The following EBF1 variants were observed in gnomAD, a reference collection of about 807,000 sequenced individuals.
The protein encoded by EBF1 is EBF transcription factor 1, also known as transcription factor COE1.
A neutral mutation model predicts 68.4 loss-of-function variants in EBF1; 10 were observed. That is an observed-to-expected ratio of 0.15 (90% CI 0.09 to 0.25). EBF1 has a LOEUF of 0.25. EBF1 is among the 10% of genes least tolerant of loss of function. The probability of loss-of-function intolerance (pLI) is 1.00; values close to 1 mark genes in which losing one functional copy is unlikely to be tolerated. For missense variants in EBF1, 509 were observed against 794.4 expected (o/e 0.64, Z 4.32); for synonymous variants, 298 against 299.8 (o/e 0.99, Z 0.06).
rs111370015 is a variant in EBF1, at chr5:158,936,401, C to T, written c.555-96291G>A. ...GGTTTGTTACTTTGTATCCTAGAGACGTGGTTTCCTCCTTCCTATGTAAAG... is the reference window on the plus strand; with the variant it reads ...GGTTTGTTACTTTGTATCCTAGAGATGTGGTTTCCTCCTTCCTATGTAAAG... On this transcript the variant is annotated intron_variant, in intron 6 of 15. Coordinates refer to ENST00000313708, the MANE Select transcript of EBF1 (RefSeq NM_024007.5). 5.4e-3 allele frequency among the ~76,000 whole-genome samples: 824 copies of T among 152,292 alleles called. 9 individuals carry two copies. Among genetic ancestry groups the T allele is most frequent in the African/African-American group, 0.019 (776 of 41,552 alleles).
intron 6 of EBF1, among the ~76,000 whole-genome samples, chr5:158,939,620 G>T (rs1473430343): frequency 6.6e-6 from 1 of 152,164 alleles, no homozygotes; most frequent in Non-Finnish European, 1.5e-5. Flanking sequence ...ATCAGACTTT[G>T]CTCTGTGGTA....
At chr5:158,803,197 G>A (rs1215767677) in intron 8 of EBF1, among the ~76,000 whole-genome samples, 2 of 152,002 alleles carry the variant, frequency 1.3e-5, no homozygotes, top group East Asian at 1.9e-4. Flanking sequence ...TTGTGACCTC[G>A]TAAAACTCAT....
At chr5:158,727,281 C>T (rs1043959423) in intron 11 of EBF1, among the ~76,000 whole-genome samples, 4 of 152,322 alleles carry the variant, frequency 2.6e-5, no homozygotes, top group Admixed American at 2.6e-4. Context: ...TCACTCACTG[C>T]CTTAGGGCTA....
intron 6 of EBF1, among the ~76,000 whole-genome samples, chr5:159,016,492 C>T (rs1765643997): frequency 6.6e-6 from 1 of 152,118 alleles, no homozygotes; most frequent in Admixed American, 6.5e-5. Context: ...AATGTGACTC[C>T]AATGATAACG....
intron 11 of EBF1, among the ~76,000 whole-genome samples, chr5:158,729,528 G>T (rs1763645984): frequency 6.6e-6 from 1 of 152,190 alleles, no homozygotes; most frequent in African/African-American, 2.4e-5. Flanking sequence ...AAATGCACGG[G>T]ACCATGTTCT....
intron 6 of EBF1, among the ~76,000 whole-genome samples, chr5:158,840,661 T>TG (rs1790092936): frequency 2.3e-5 from 2 of 87,600 alleles, no homozygotes; most frequent in African/African-American, 4.6e-5. Flanking sequence ...TTTTTTTTTT[T>TG]TTTTTTTTTT....
At position 159,081,698 on chromosome 5, in the gene EBF1, A is replaced by C. The variant is rs576078161; in HGVS notation, c.485+2968T>G. ...GAAACCATACACTGATGAGGGAAAG[A>C]GGTCTTTCTTAAACAGAGCTCTGGG... On this transcript the variant is annotated intron_variant, in intron 5 of 15. Coordinates refer to ENST00000313708, the MANE Select transcript of EBF1 (RefSeq NM_024007.5). Among the ~76,000 whole-genome samples, 19 of 152,346 alleles carry C rather than the reference A, an allele frequency of 1.2e-4. No homozygotes were observed. In the South Asian group the frequency reaches 2.7e-3, roughly 22 times the overall value.
At chr5:158,756,268 T>G (rs1399063190) in intron 10 of EBF1, among the ~76,000 whole-genome samples, 1 of 152,052 alleles carries the variant, frequency 6.6e-6, no homozygotes, top group Non-Finnish European at 1.5e-5. Flanking sequence ...GTGAGAATTT[T>G]TTTTTTTTCT....
intron 9 of EBF1, among the ~76,000 whole-genome samples, chr5:158,790,851 C>A (rs1192267381): frequency 3.3e-5 from 5 of 152,092 alleles, no homozygotes; most frequent in Admixed American, 6.5e-5. Context: ...AGTTTTGTGG[C>A]CAATTAAATT....
chr5:158,960,852 C>T (rs148067568), intron 6 of EBF1, among the ~76,000 whole-genome samples: 46 of 152,318 alleles, frequency 3.0e-4, no homozygotes, highest in African/African-American at 1.0e-3. Flanking sequence ...TATCAAGAAA[C>T]TGAGGCCTCA....
In EBF1 at chr5:158,923,040, C is replaced by A. The variant is rs903042040; in HGVS notation, c.555-82930G>T. On this transcript the variant is annotated intron_variant, in intron 6 of 15. Transcript: ENST00000313708. ...TTAGGTGGTCTATTAGCAGGAGGGG[C>A]GATTTGAACGCAGAAAGCCCCTCCG... 9.9e-5 allele frequency among the ~76,000 whole-genome samples: 15 copies of A among 152,256 alleles called. No individual in the cohort carries two copies. In the East Asian group the frequency reaches 2.7e-3, roughly 27 times the overall value.
chr5:158,820,081 G>A (rs957312832), intron 8 of EBF1, among the ~76,000 whole-genome samples: 2 of 152,058 alleles, frequency 1.3e-5, no homozygotes, highest in African/African-American at 2.4e-5. Flanking sequence ...GCCACAAAAG[G>A]AAACTTCCTC....
At chr5:159,081,313 T>A (rs1779702684) in intron 5 of EBF1, among the ~76,000 whole-genome samples, 1 of 152,224 alleles carries the variant, frequency 6.6e-6, no homozygotes, top group Admixed American at 6.5e-5. Flanking sequence ...ACAGTTTGTT[T>A]TCATGGTTGT....
chr5:158,923,805 A>T (rs1290351885), intron 6 of EBF1, among the ~76,000 whole-genome samples: 1 of 152,176 alleles, frequency 6.6e-6, no homozygotes. Flanking sequence ...TGAATCAACA[A>T]ATCTCAAATT....
intron 6 of EBF1, among the ~76,000 whole-genome samples, chr5:158,972,743 C>T (rs1371855625): frequency 2.0e-5 from 3 of 152,216 alleles, no homozygotes; most frequent in East Asian, 1.9e-4. Flanking sequence ...ATAGCGCCCA[C>T]GGGGCCCAAG....
chr5:158,807,604 G>A (rs1227283940), intron 8 of EBF1, among the ~76,000 whole-genome samples: 1 of 152,124 alleles, frequency 6.6e-6, no homozygotes, highest in African/African-American at 2.4e-5. Context: ...TAAATCCTCA[G>A]AGGGCTCAGA....
intron 1 of EBF1, 75 bp downstream of exon 1, chr5:159,099,266 GCCGC>G: frequency 6.7e-4 from 4 of 5,928 alleles, no homozygotes; most frequent in South Asian, 1.5e-3. Flanking sequence ...GGCAGCAGCT[GCCGC>G]TGCCGCTGCC....
chr5:158,784,061 A>G (rs536096731), intron 9 of EBF1, among the ~76,000 whole-genome samples: 28 of 151,710 alleles, frequency 1.8e-4, no homozygotes, highest in African/African-American at 6.1e-4. Context: ...CACTAAATTG[A>G]TGATGGTAAT....
intron 6 of EBF1, among the ~76,000 whole-genome samples, chr5:159,073,193 C>A (rs909585014): frequency 6.6e-6 from 1 of 152,054 alleles, no homozygotes; most frequent in Non-Finnish European, 1.5e-5. Context: ...AGACAAAAAC[C>A]GGAGCAATCC....
Sources: gnomAD v4.1 joint callset for allele counts (sites outside exome capture counted in the v4.1 genomes callset) on GRCh38, gnomAD v4.1.1 for gene constraint, MANE v1.5 for transcripts, NCBI Gene and HGNC (gene_info 2026-07-23, HGNC 2026-07-21) for gene names.